PAPPA: variants seen among roughly 807,000 people sequenced by gnomAD.
PAPPA encodes pappalysin 1.
A neutral mutation model predicts 164.0 loss-of-function variants in PAPPA; 60 were observed. That is an observed-to-expected ratio of 0.37 (90% CI 0.30 to 0.45). PAPPA has a LOEUF of 0.45. Ranked by LOEUF, PAPPA falls within the 20% of genes least tolerant of loss-of-function variation. The pLI is 1.00. For synonymous variants in PAPPA, 875 were observed against 814.1 expected, an observed-to-expected ratio of 1.07 and a Z score of -1.27; for missense variants, 1,782 against 2,087.3, an observed-to-expected ratio of 0.85 and a Z score of 2.85.
chr9:116,347,399 A>G lies in PAPPA; in HGVS notation c.3964+190A>G, dbSNP rs1307851724. 6.6e-6 allele frequency among the ~76,000 whole-genome samples: 1 copy of G among 152,200 alleles called. No homozygotes were observed. Among genetic ancestry groups the G allele is most frequent in the Non-Finnish European group, 1.5e-5 (1 of 68,034 alleles). On this transcript the variant is annotated intron_variant, in intron 15 of 21. Coordinates refer to ENST00000328252, the MANE Select transcript of PAPPA (RefSeq NM_002581.5). This position sits in a 1 kb window ranked among gnomAD's most constrained non-coding sequence, Gnocchi z 4.5. ...GCAGATAAGAAAGAAAAAAGAGTGT[A>G]TGGATAATTATGACAGTGAAGCCCT...
At chr9:116,294,878 CTAGAAA>C (rs1254425996) in intron 9 of PAPPA, among the ~76,000 whole-genome samples, 1 of 152,132 alleles carries the variant, frequency 6.6e-6, no homozygotes, top group African/African-American at 2.4e-5. Context: ...GTTTTATTAG[CTAGAAA>C]TAGAAATAGA....
chr9:116,216,011 G>T (rs890854771), intron 4 of PAPPA, among the ~76,000 whole-genome samples: 1 of 151,954 alleles, frequency 6.6e-6, no homozygotes, highest in Non-Finnish European at 1.5e-5. Flanking sequence ...TTATCTATAG[G>T]TAATGAGTTC....
chr9:116,283,085 C>G (rs1281225092), intron 9 of PAPPA, among the ~76,000 whole-genome samples: 2 of 152,182 alleles, frequency 1.3e-5, no homozygotes. Flanking sequence ...GGTTGCTTTT[C>G]TCTCTCCTCC....
At chr9:116,242,257 G>A (rs990822730) in intron 7 of PAPPA, among the ~76,000 whole-genome samples, 7 of 152,262 alleles carry the variant, frequency 4.6e-5, no homozygotes, top group Middle Eastern at 3.4e-3. Context: ...GAAGTGACAT[G>A]TAAGCTGAGA....
At chr9:116,279,749 A>G (rs1217267895) in intron 9 of PAPPA, among the ~76,000 whole-genome samples, 1 of 152,240 alleles carries the variant, frequency 6.6e-6, no homozygotes, top group Non-Finnish European at 1.5e-5. Flanking sequence ...GCCTTGATGT[A>G]CATCTGTGCA....
chr9:116,349,296 A>G (rs1426134121), intron 15 of PAPPA, among the ~76,000 whole-genome samples: 1 of 152,226 alleles, frequency 6.6e-6, no homozygotes, highest in Non-Finnish European at 1.5e-5. Context: ...GAACTCAGAG[A>G]CAGCTTTGGT....
chr9:116,358,156 A>G (rs1204071085), intron 17 of PAPPA, among the ~76,000 whole-genome samples: 1 of 152,162 alleles, frequency 6.6e-6, no homozygotes, highest in African/African-American at 2.4e-5. Context: ...AGGACCTCAG[A>G]GACCCCCACT....
intron 1 of PAPPA, among the ~76,000 whole-genome samples, chr9:116,155,788 G>A (rs1457490014): frequency 6.6e-6 from 1 of 152,132 alleles, no homozygotes; most frequent in African/African-American, 2.4e-5. Context: ...CCCACACTCT[G>A]CTGCTATCCC....
intron 2 of PAPPA, among the ~76,000 whole-genome samples, chr9:116,196,133 T>C (rs957561657): frequency 1.3e-5 from 2 of 152,174 alleles, no homozygotes; most frequent in African/African-American, 2.4e-5. Context: ...GGCCTGGGAC[T>C]CTTGCCCCAG....
At chr9:116,211,583 T>C in intron 3 of PAPPA, 56 bp from the exon 4 acceptor site, 5 of 1,515,194 alleles carry the variant, frequency 3.3e-6, no homozygotes, top group Non-Finnish European at 4.6e-6. Flanking sequence ...TTGGGGGTTC[T>C]TGCACCAAGA....
intron 10 of PAPPA, among the ~76,000 whole-genome samples, chr9:116,329,729 T>G (rs1051525181): frequency 6.6e-6 from 1 of 152,246 alleles, no homozygotes; most frequent in Non-Finnish European, 1.5e-5. Context: ...TTTTGCGATC[T>G]CTCCATGTTG....
In PAPPA at chr9:116,352,924, G is replaced by T; in HGVS notation, c.4175+8G>T. The T allele has an allele frequency of 6.2e-7, 1 of 1,610,214 alleles. No individual in the cohort carries two copies. The highest frequency in any genetic ancestry group is 1.1e-5 in the South Asian group (1 of 90,838). ...CTCTCGGAAGTCAAAGAAGTAAGTG[G>T]GGTTGGAAATGCAAACTTATGGTCT... On this transcript the variant is annotated splice_region_variant and intron_variant, in intron 16 of 21. Transcript: ENST00000328252.
At chr9:116,376,271 G>A (rs1302129200) in intron 19 of PAPPA, among the ~76,000 whole-genome samples, 3 of 152,102 alleles carry the variant, frequency 2.0e-5, no homozygotes, top group South Asian at 2.1e-4. Flanking sequence ...CACCTGCCTC[G>A]GCCTCCCAAA....
chr9:116,277,759 C>G (rs186290275), intron 9 of PAPPA, among the ~76,000 whole-genome samples: 102 of 152,276 alleles, frequency 6.7e-4, no homozygotes, highest in African/African-American at 2.4e-3. Context: ...TCACTGCAAC[C>G]TCCGCCTCCC....
chr9:116,277,486 T>A (rs1263718957), intron 9 of PAPPA, among the ~76,000 whole-genome samples: 2 of 152,178 alleles, frequency 1.3e-5, no homozygotes, highest in African/African-American at 4.8e-5. Flanking sequence ...AGCCTGTCCC[T>A]GACACTTAGC....
chr9:116,214,023 T>C (rs1167811792), intron 4 of PAPPA, among the ~76,000 whole-genome samples: 1 of 152,156 alleles, frequency 6.6e-6, no homozygotes, highest in Non-Finnish European at 1.5e-5. Flanking sequence ...GGGTGCTTCT[T>C]CCTCAGGCCT....
At chr9:116,304,039 G>A (rs1001960451) in intron 10 of PAPPA, among the ~76,000 whole-genome samples, 2 of 152,160 alleles carry the variant, frequency 1.3e-5, no homozygotes, top group African/African-American at 4.8e-5. Context: ...TATAGTGCCA[G>A]CCTGCTGAAT....
chr9:116,231,760 C>CTTTTTTT (rs1470170244), intron 6 of PAPPA, among the ~76,000 whole-genome samples: 1 of 2,824 alleles, frequency 3.5e-4, no homozygotes, highest in African/African-American at 1.3e-3. Flanking sequence ...CTTTTCTTTT[C>CTTTTTTT]TTTTTCTTTT....
At chr9:116,286,248 T>G (rs1414734418) in intron 9 of PAPPA, 1 of 152,138 alleles carries the variant, frequency 6.6e-6, no homozygotes, top group East Asian at 1.9e-4. Context: ...TTTAGAAGAA[T>G]GGGTGGGTGG....
Sources: allele counts gnomAD v4.1 joint callset (sites outside exome capture counted in the v4.1 genomes callset), GRCh38; gene constraint gnomAD v4.1.1; non-coding constraint Gnocchi (gnomAD v3.1); transcripts MANE v1.5; gene names NCBI Gene and HGNC (gene_info 2026-07-23, HGNC 2026-07-21).